The following PPP1R12B variants were observed in gnomAD, a reference collection of about 807,000 sequenced individuals.
PPP1R12B encodes protein phosphatase 1 regulatory subunit 12B, also known as myosin phosphatase target subunit 2.
Under a neutral mutation model 126.1 loss-of-function variants are expected in PPP1R12B, and 76 were observed. The observed-to-expected ratio is 0.60, with a 90% CI of 0.50 to 0.73. The LOEUF (loss-of-function observed/expected upper bound fraction) is 0.73. PPP1R12B is among the 30% of genes least tolerant of loss of function. PPP1R12B has a pLI of 0.00. For synonymous variants in PPP1R12B, 356 were observed against 434.7 expected, an observed-to-expected ratio of 0.82 and a Z score of 2.25; for missense variants, 1,052 against 1,205.1, an observed-to-expected ratio of 0.87 and a Z score of 1.88.
intron 13 of PPP1R12B, among the ~76,000 whole-genome samples, chr1:202,449,710 G>A (rs1403094187): frequency 2.8e-5 from 4 of 144,558 alleles, no homozygotes; most frequent in Non-Finnish European, 4.6e-5. Context: ...TTTTTGAGAC[G>A]GAGTCTTGCT....
At chr1:202,420,179 G>A (rs1316625062) in intron 2 of PPP1R12B, among the ~76,000 whole-genome samples, 1 of 152,150 alleles carries the variant, frequency 6.6e-6, no homozygotes, top group African/African-American at 2.4e-5. Flanking sequence ...AGGGTCCCAA[G>A]TTTTTATTTT....
intron 23 of PPP1R12B, chr1:202,575,262 A>T: frequency 7.4e-7 from 1 of 1,343,630 alleles, no homozygotes; most frequent in Non-Finnish European, 1.0e-6. Context: ...GGTTCCTGCA[A>T]AGCTTGGTTA....
Position 202,430,799 on chromosome 1 carries a change from GTTCT to G in PPP1R12B, c.993_996del (p.Phe331LeufsTer111), listed in dbSNP as rs1558215366. ...ATCTGAACAGCAAGATTCAGAGTGG[GTTCT>G]TTAAGAAGTAAGACATTTAGGCTTG... is the stretch of plus-strand genomic sequence containing the variant. On this transcript the variant is annotated frameshift_variant, in exon 7 of 24. Transcript: ENST00000608999. LOFTEE classifies it high-confidence loss of function. 1 of 1,612,234 alleles carries G rather than the reference GTTCT, an allele frequency of 6.2e-7. No homozygotes were observed. The highest frequency in any genetic ancestry group is 1.3e-5 in the African/African-American group (1 of 74,872).
At chr1:202,438,906 C>A in intron 10 of PPP1R12B, 4 of 1,500,284 alleles carry the variant, frequency 2.7e-6, no homozygotes, top group Non-Finnish European at 2.8e-6. Flanking sequence ...CCACCGCACG[C>A]GGCCCTGTGC....
chr1:202,438,767 C>T (rs1362363367), intron 10 of PPP1R12B: 7 of 728,742 alleles, frequency 9.6e-6, no homozygotes, highest in East Asian at 2.5e-5. Flanking sequence ...AGCTGGTGTT[C>T]ACCTTGAACA....
chr1:202,540,501 C>T (rs908190985), intron 18 of PPP1R12B, among the ~76,000 whole-genome samples: 3 of 152,194 alleles, frequency 2.0e-5, no homozygotes, highest in African/African-American at 7.2e-5. Flanking sequence ...TTTTAACTAT[C>T]GGTTGTAAAC....
At chr1:202,401,419 A>G (rs1227642278) in intron 1 of PPP1R12B, among the ~76,000 whole-genome samples, 1 of 108,548 alleles carries the variant, frequency 9.2e-6, no homozygotes, top group Non-Finnish European at 1.7e-5. Flanking sequence ...CACATTGCCC[A>G]GGCTGGTCTT....
intron 3 of PPP1R12B, among the ~76,000 whole-genome samples, chr1:202,423,740 G>A (rs1669120142): frequency 6.6e-6 from 1 of 152,170 alleles, no homozygotes; most frequent in African/African-American, 2.4e-5. Flanking sequence ...CTGGAGTGCA[G>A]TGGTGCCGTC....
intron 1 of PPP1R12B, among the ~76,000 whole-genome samples, chr1:202,359,819 C>A (rs1464370858): frequency 6.6e-6 from 1 of 152,042 alleles, no homozygotes; most frequent in African/African-American, 2.4e-5. Flanking sequence ...AAAACAAAAA[C>A]AAAAACAAAT....
In PPP1R12B at chr1:202,438,012, C is replaced by A; in HGVS notation, c.1446C>A (p.Asp482Glu). ...SSSPRISALL[D>E]NKDKERENKS... The stretch of plus-strand genomic sequence containing the variant: ...GCCCTCGGATTTCTGCTCTACTGGA[C>A]AACAAAGATAAGGTGCAGTTTGGGA... Residue 482 changes from aspartate (D) to glutamate (E), a missense_variant, in exon 10 of 24, where the codon GAC (aspartate) becomes GAA (glutamate). Coordinates refer to ENST00000608999, the MANE Select transcript of PPP1R12B (RefSeq NM_002481.4). The A allele has an allele frequency of 6.2e-7, 1 of 1,613,900 alleles. No homozygotes were observed. The highest frequency in any genetic ancestry group is 8.5e-7 in the Non-Finnish European group (1 of 1,179,910).
At chr1:202,388,062 A>G (rs544689732) in intron 1 of PPP1R12B, among the ~76,000 whole-genome samples, 3 of 151,990 alleles carry the variant, frequency 2.0e-5, no homozygotes, top group Non-Finnish European at 4.4e-5. Flanking sequence ...CATTTGGAAT[A>G]TAATAGGTAT....
Position 202,416,844 on chromosome 1 carries a change from G to A in PPP1R12B, c.349G>A (p.Val117Ile). The A allele has an allele frequency of 6.2e-7, 1 of 1,614,096 alleles. No homozygotes were observed. Among genetic ancestry groups the A allele is most frequent in the African/African-American group, 1.3e-5 (1 of 75,024 alleles). The change falls in exon 2 of 24, where the codon GTA becomes ATA. Residue 117 changes from valine to isoleucine, a missense_variant. Val to Ile is a conservative substitution (Grantham distance 29). Transcript: ENST00000608999. Reference protein sequence around the residue: ...VKFLVENRANVNQQDNEGWTP... With the variant: ...VKFLVENRANINQQDNEGWTP... The stretch of plus-strand genomic sequence containing the variant: ...GTTTCTGGTGGAGAACAGAGCCAAT[G>A]TAAACCAGCAAGACAACGAGGGCTG...
rs1340464665 is a variant in PPP1R12B at position 202,404,797 on chromosome 1, A to G, written c.292-11990A>G. On this transcript the variant is annotated intron_variant, in intron 1 of 23. Coordinates refer to ENST00000608999, the MANE Select transcript of PPP1R12B (RefSeq NM_002481.4). ...ATTACAGGCGTGAGCCACCGCACCC[A>G]GCCCAAATAATGTTTATACTGGGAG... Among the ~76,000 whole-genome samples the G allele has an allele frequency of 5.3e-5, 8 of 152,190 alleles. No individual in the cohort carries two copies. The East Asian group carries it at 7.7e-4, about 15-fold the overall frequency.
intron 1 of PPP1R12B, among the ~76,000 whole-genome samples, chr1:202,383,110 A>G (rs1327485212): frequency 6.6e-6 from 1 of 152,200 alleles, no homozygotes; most frequent in African/African-American, 2.4e-5. Context: ...GCAATTGTTC[A>G]TGTTTTAAGA....
chr1:202,489,968 G>T (rs183525238), intron 14 of PPP1R12B, among the ~76,000 whole-genome samples: 152 of 152,302 alleles, frequency 1.0e-3, no homozygotes, highest in African/African-American at 3.4e-3. Context: ...GATGGGAATG[G>T]TAGGTAGAGG....
intron 13 of PPP1R12B, among the ~76,000 whole-genome samples, chr1:202,467,103 G>A (rs559539448): frequency 6.6e-6 from 1 of 151,996 alleles, no homozygotes; most frequent in African/African-American, 2.4e-5. Context: ...CATCTACAGT[G>A]CAGCATTAGT....
chr1:202,489,046 C>A (rs193147649), intron 14 of PPP1R12B, among the ~76,000 whole-genome samples: 1 of 151,244 alleles, frequency 6.6e-6, no homozygotes, highest in Admixed American at 6.6e-5. Context: ...CTCAAAAAAA[C>A]AAGACAAAGC....
chr1:202,521,408 A>T lies in PPP1R12B; in HGVS notation c.2490+24586A>T, dbSNP rs142792150. 4.8e-3 allele frequency among the ~76,000 whole-genome samples: 735 copies of T among 152,354 alleles called. 5 individuals are homozygous for T. The highest frequency in any genetic ancestry group is 0.017 in the African/African-American group (715 of 41,572). ...GAGAGAATTTATACCTGAGAAAAGA[A>T]GAACAATCTGGTGAGAGTTTAAAAA... is the stretch of plus-strand genomic sequence containing the variant. On this transcript the variant is annotated intron_variant, in intron 18 of 23. Coordinates refer to ENST00000608999, the MANE Select transcript of PPP1R12B (RefSeq NM_002481.4).
chr1:202,446,256 AT>A (rs71142531), intron 12 of PPP1R12B, among the ~76,000 whole-genome samples: 714 of 54,316 alleles, frequency 0.013, 8 homozygotes, highest in African/African-American at 0.026. Context: ...ATATATATAT[AT>A]TTTTTTTTTT....
Sources: allele counts gnomAD v4.1 joint callset (sites outside exome capture counted in the v4.1 genomes callset), GRCh38; gene constraint gnomAD v4.1.1; transcripts MANE v1.5; gene names NCBI Gene and HGNC (gene_info 2026-07-23, HGNC 2026-07-21).